The following POM121C variants were observed in gnomAD, a reference collection of about 807,000 sequenced individuals.
POM121C encodes the protein nuclear envelope pore membrane protein POM 121C.
In POM121C, 20 loss-of-function variants were observed where a neutral mutation model predicts 66.4. That is an observed-to-expected ratio of 0.30 (90% CI 0.21 to 0.44). POM121C has a LOEUF of 0.44. POM121C is among the 20% of genes least tolerant of loss of function. The pLI is 1.00. For synonymous variants in POM121C, 286 were observed against 528.0 expected (o/e 0.54, Z 6.28); for missense variants, 580 against 1,225.7 (o/e 0.47, Z 7.87).
chr7:75,477,786 T>C (rs1250997640), intron 1 of POM121C, among the ~76,000 whole-genome samples: 1 of 150,494 alleles, frequency 6.6e-6, no homozygotes, highest in Non-Finnish European at 1.5e-5. Flanking sequence ...ATATATATAT[T>C]AGAAAAAACA....
At chr7:75,450,942 A>G (rs1158578926) in intron 3 of POM121C, among the ~76,000 whole-genome samples, 1 of 152,206 alleles carries the variant, frequency 6.6e-6, no homozygotes, top group African/African-American at 2.4e-5. Flanking sequence ...TATTGGACTT[A>G]GCAGACAAAG....
intron 5 of POM121C, among the ~76,000 whole-genome samples, chr7:75,439,810 T>G (rs587700542): frequency 9.2e-5 from 14 of 152,316 alleles, no homozygotes; most frequent in African/African-American, 3.1e-4. Context: ...GCTCACCCAC[T>G]TCAACTTCTT....
chr7:75,439,757 G>C (rs1554473612), intron 5 of POM121C, among the ~76,000 whole-genome samples: 1 of 152,118 alleles, frequency 6.6e-6, no homozygotes, highest in Non-Finnish European at 1.5e-5. Context: ...TCTATCCACA[G>C]TACTTGCAGT....
chr7:75,463,129 C>G (rs1167462952), intron 3 of POM121C, among the ~76,000 whole-genome samples: 2 of 152,044 alleles, frequency 1.3e-5, no homozygotes, highest in Non-Finnish European at 2.9e-5. Context: ...TTGAGACCAG[C>G]CTGGCCAACA....
chr7:75,459,599 C>CAAAAAAAAA (rs1211791667), intron 3 of POM121C, among the ~76,000 whole-genome samples: 13 of 43,802 alleles, frequency 3.0e-4, no homozygotes, highest in Non-Finnish European at 3.3e-4. Flanking sequence ...GACTCTGTCT[C>CAAAAAAAAA]AAAAAAAAAA....
Position 75,419,348 on chromosome 7 carries a change from G to A in POM121C, c.2838C>T (p.Ala946=). Reference sequence around the variant, plus strand: ...ACGGTCCAACACCAACAAAGCCTTGGGCGGGTGCTGAAGATGCCCCAAAGG... The same window carrying A: ...ACGGTCCAACACCAACAAAGCCTTGAGCGGGTGCTGAAGATGCCCCAAAGG... ...SLSFGASSAP[A]QGFVGVGPFG... The change falls in exon 14 of 15, where the codon GCC becomes GCT. Residue 946 remains alanine, a synonymous_variant. Transcript: ENST00000615331. 1 of 1,613,670 alleles carries A rather than the reference G, an allele frequency of 6.2e-7. No individual in the cohort carries two copies. Among genetic ancestry groups the A allele is most frequent in the South Asian group, 1.1e-5 (1 of 91,030 alleles).
At chr7:75,456,536 G>A (rs1286478971) in intron 3 of POM121C, among the ~76,000 whole-genome samples, 1 of 152,180 alleles carries the variant, frequency 6.6e-6, no homozygotes, top group African/African-American at 2.4e-5. Context: ...TGAGGAAGAA[G>A]ATCTGGAGAG....
chr7:75,438,533 TG>T (rs1790506011), intron 6 of POM121C, among the ~76,000 whole-genome samples: 1 of 152,222 alleles, frequency 6.6e-6, no homozygotes, highest in Admixed American at 6.5e-5. Context: ...GTTGCTTCAC[TG>T]GGAATGAATT....
rs60754848 is a variant in POM121C at position 75,430,691 on chromosome 7, A to G, written c.481-4238T>C. The stretch of plus-strand genomic sequence containing the variant: ...GGAAGTAGAATGGCAAGAGCAGGAC[A>G]CTTTTGTTGTAACACATACATGACA... On this transcript the variant is annotated intron_variant, in intron 7 of 14. Transcript: ENST00000615331. 3.3e-4 allele frequency among the ~76,000 whole-genome samples: 50 copies of G among 152,322 alleles called. No homozygotes were observed. The East Asian group carries it at 7.9e-3, about 24-fold the overall frequency.
At chr7:75,427,503 A>C (rs1790001379) in intron 7 of POM121C, among the ~76,000 whole-genome samples, 1 of 149,784 alleles carries the variant, frequency 6.7e-6, no homozygotes, top group Non-Finnish European at 1.5e-5. Flanking sequence ...TTTTGCAACA[A>C]CGATGGCATT....
intron 7 of POM121C, among the ~76,000 whole-genome samples, chr7:75,435,797 C>T (rs1224168509): frequency 1.3e-5 from 2 of 152,194 alleles, no homozygotes; most frequent in Non-Finnish European, 2.9e-5. Context: ...CACCTGTAAT[C>T]CCAGCACTTT....
rs782793299 is a variant in POM121C at position 75,424,119 on chromosome 7, G to T, written c.978C>A (p.Ala326=). The change falls in exon 12 of 15, where the codon GCC becomes GCA. Residue 326 remains alanine (A), a synonymous_variant. Coordinates refer to ENST00000615331, the MANE Select transcript of POM121C (RefSeq NM_001099415.3). ...TCTCTAACAGTGGGTTGGTGCTTGGGGCCAGGAGGGAGGTGGGTGGGGAGG... is the reference window on the plus strand; with the variant it reads ...TCTCTAACAGTGGGTTGGTGCTTGGTGCCAGGAGGGAGGTGGGTGGGGAGG... ...ATASPPTSLL[A]PSTNPLLESL... is the part of the protein sequence containing the mutation. The T allele has an allele frequency of 6.2e-7, 1 of 1,611,956 alleles. No individual in the cohort carries two copies. The highest frequency in any genetic ancestry group is 1.1e-5 in the South Asian group (1 of 90,974).
At chr7:75,429,988 G>A (rs775499595) in intron 7 of POM121C, among the ~76,000 whole-genome samples, 24 of 152,324 alleles carry the variant, frequency 1.6e-4, no homozygotes, top group Non-Finnish European at 3.2e-4. Context: ...CTGGGCCACA[G>A]AGCAAGACCC....
chr7:75,451,044 G>A (rs1791004227), intron 3 of POM121C, among the ~76,000 whole-genome samples: 1 of 152,070 alleles, frequency 6.6e-6, no homozygotes, highest in South Asian at 2.1e-4. Context: ...CAAACAAATG[G>A]AAACACATTC....
chr7:75,481,617 C>T (rs1364549317), intron 1 of POM121C, among the ~76,000 whole-genome samples: 3 of 152,048 alleles, frequency 2.0e-5, no homozygotes, highest in African/African-American at 7.2e-5. Flanking sequence ...ATCACTTGAG[C>T]CCAGTTCAAG....
chr7:75,476,837 C>T (rs1409866115), intron 1 of POM121C, among the ~76,000 whole-genome samples: 2 of 151,828 alleles, frequency 1.3e-5, no homozygotes, highest in Non-Finnish European at 2.9e-5. Flanking sequence ...ACAATATAGA[C>T]TAGTTTAATA....
chr7:75,424,153 G>C lies in POM121C; in HGVS notation c.944C>G (p.Ala315Gly). The change falls in exon 12 of 15, where the codon GCT becomes GGT. Residue 315 changes from alanine to glycine, a missense_variant. Transcript: ENST00000615331. ...QPSFTFTLPA[A>G]ATASPPTSLL... Reference sequence around the variant, plus strand: ...GGAGGTGGGTGGGGAGGCAGTTGCAGCAGCAGGCAGGGTAAAGGTAAATGA... The same window carrying C: ...GGAGGTGGGTGGGGAGGCAGTTGCACCAGCAGGCAGGGTAAAGGTAAATGA... The C allele has an allele frequency of 1.2e-6, 2 of 1,612,042 alleles. No homozygotes were observed. The highest frequency in any genetic ancestry group is 1.7e-6 in the Non-Finnish European group (2 of 1,179,874).
chr7:75,430,880 T>C (rs1462959045), intron 7 of POM121C, among the ~76,000 whole-genome samples: 1 of 151,732 alleles, frequency 6.6e-6, no homozygotes, highest in Non-Finnish European at 1.5e-5. Flanking sequence ...ATTGAGACCA[T>C]CCTGGCTAAC....
chr7:75,421,477 G>T, intron 13 of POM121C, 32 bp downstream of exon 13: 1 of 1,610,442 alleles, frequency 6.2e-7, no homozygotes. Context: ...TCAGTGTCCG[G>T]CCCGGTAGCC....
Sources: gnomAD v4.1 joint callset for allele counts (sites outside exome capture counted in the v4.1 genomes callset) on GRCh38, gnomAD v4.1.1 for gene constraint, MANE v1.5 for transcripts, NCBI Gene and HGNC (gene_info 2026-07-23, HGNC 2026-07-21) for gene names.